The following CUL1 variants were observed in gnomAD, a reference collection of about 807,000 sequenced individuals.
The protein encoded by CUL1 is cullin-1.
CUL1 carries 24 observed loss-of-function variants against 118.0 expected under a neutral mutation model. The ratio of observed to expected loss-of-function variants is 0.20; its 90% CI spans 0.15 to 0.29. The LOEUF (loss-of-function observed/expected upper bound fraction) is 0.29. Among genes scored for constraint, CUL1 ranks in the 10% least tolerant of loss-of-function variants. The pLI is 1.00. For synonymous variants in CUL1, 332 were observed against 340.4 expected (o/e 0.98, Z 0.27); for missense variants, 361 against 933.8 (o/e 0.39, Z 7.99).
rs115027140 is a variant in CUL1, at chr7:148,759,233, T to C, written c.484-71T>C. 1.0e-3 allele frequency: 1,461 copies of C among 1,399,432 alleles called. 9 individuals carry two copies. In the African/African-American group the frequency reaches 0.016, roughly 16 times the overall value. 86.7% of individuals were successfully genotyped at this position (1,399,432 alleles called of 1,614,324 possible). A position where few individuals can be genotyped will look rare whatever the true frequency, so the allele number is the denominator to read the frequency against. On this transcript the variant is annotated intron_variant, in intron 4 of 21. Transcript: ENST00000325222. ...TTGATAAAGTAATTTGAGATTTAGG[T>C]TATTTCCTATGACTTCAATCTTGGA... is the stretch of plus-strand genomic sequence containing the variant.
chr7:148,755,443 A>G (rs1017984297), intron 3 of CUL1, among the ~76,000 whole-genome samples: 2 of 152,256 alleles, frequency 1.3e-5, no homozygotes, highest in African/African-American at 4.8e-5. Context: ...TTATTTTTGC[A>G]AGCTAATTGA....
intron 17 of CUL1, among the ~76,000 whole-genome samples, chr7:148,796,150 C>G (rs1019964087): frequency 6.6e-6 from 1 of 152,154 alleles, no homozygotes; most frequent in Non-Finnish European, 1.5e-5. Context: ...CTTTATCAGA[C>G]TAAAGAGGTT....
At chr7:148,796,660 G>A (rs186115384) in intron 17 of CUL1, among the ~76,000 whole-genome samples, 2 of 152,290 alleles carry the variant, frequency 1.3e-5, no homozygotes, top group African/African-American at 2.4e-5. Context: ...GGTGTGGACT[G>A]TCAGGTCTTT....
chr7:148,699,940 C>T (rs898866357), intron 1 of CUL1, among the ~76,000 whole-genome samples: 1 of 152,154 alleles, frequency 6.6e-6, no homozygotes, highest in Admixed American at 6.5e-5. Context: ...CTGAAAGACC[C>T]CCGTTTCTGC....
intron 1 of CUL1, among the ~76,000 whole-genome samples, chr7:148,728,330 G>A (rs914311061): frequency 6.6e-6 from 1 of 152,080 alleles, no homozygotes; most frequent in Non-Finnish European, 1.5e-5. Context: ...AGCATCTAGA[G>A]AGGTATGAGA....
chr7:148,718,735 G>A (rs960618562), intron 1 of CUL1, among the ~76,000 whole-genome samples: 1 of 152,014 alleles, frequency 6.6e-6, no homozygotes, highest in Non-Finnish European at 1.5e-5. Flanking sequence ...TTGTTTTTGG[G>A]GGGTAGATAT....
At chr7:148,744,437 T>A (rs1048471988) in intron 2 of CUL1, among the ~76,000 whole-genome samples, 25 of 139,158 alleles carry the variant, frequency 1.8e-4, no homozygotes, top group Non-Finnish European at 2.2e-4. Context: ...TGTGTGTGTG[T>A]GAAAGAGAAG....
chr7:148,722,519 C>T (rs1157485287), intron 1 of CUL1, among the ~76,000 whole-genome samples: 1 of 152,214 alleles, frequency 6.6e-6, no homozygotes, highest in African/African-American at 2.4e-5. Context: ...TGCAGGCCTC[C>T]AGGCTGCAGG....
At chr7:148,738,963 G>A (rs1168178293) in intron 2 of CUL1, among the ~76,000 whole-genome samples, 1 of 152,218 alleles carries the variant, frequency 6.6e-6, no homozygotes, top group Non-Finnish European at 1.5e-5. Context: ...ATTGTGGGGG[G>A]CGGTGGGTTC....
intron 1 of CUL1, among the ~76,000 whole-genome samples, chr7:148,709,886 C>T (rs1797997508): frequency 6.6e-6 from 1 of 151,988 alleles, no homozygotes; most frequent in Admixed American, 6.6e-5. Context: ...AGTTCGAGAC[C>T]AGCCTGGGCA....
chr7:148,716,825 A>G (rs1289824086), intron 1 of CUL1, among the ~76,000 whole-genome samples: 1 of 151,930 alleles, frequency 6.6e-6, no homozygotes, highest in African/African-American at 2.4e-5. Flanking sequence ...TCCCCTACTG[A>G]TAGATTTGGG....
chr7:148,741,337 A>C (rs1393854296), intron 2 of CUL1, among the ~76,000 whole-genome samples: 1 of 152,328 alleles, frequency 6.6e-6, no homozygotes, highest in South Asian at 2.1e-4. Flanking sequence ...TTATTTTCCA[A>C]AGTGGCTGCA....
At chr7:148,735,695 T>G (rs1156506408) in intron 2 of CUL1, among the ~76,000 whole-genome samples, 1 of 152,212 alleles carries the variant, frequency 6.6e-6, no homozygotes, top group Non-Finnish European at 1.5e-5. Flanking sequence ...TGAGCATGGC[T>G]TACATCAAAT....
chr7:148,772,106 A>C (rs1800231802), intron 9 of CUL1, among the ~76,000 whole-genome samples: 1 of 152,202 alleles, frequency 6.6e-6, no homozygotes, highest in South Asian at 2.1e-4. Flanking sequence ...AACTCATCGT[A>C]CATTGAAAAT....
chr7:148,734,793 T>C (rs944705752), intron 2 of CUL1, among the ~76,000 whole-genome samples: 1 of 152,190 alleles, frequency 6.6e-6, no homozygotes, highest in Non-Finnish European at 1.5e-5. Context: ...AGGTCACCTG[T>C]TGGAGGTTTC....
chr7:148,757,033 A>G lies in CUL1; in HGVS notation c.366A>G (p.Gln122=), dbSNP rs1449700616. 2 of 1,610,728 alleles carry G rather than the reference A, an allele frequency of 1.2e-6. No individual in the cohort carries two copies. Among genetic ancestry groups the G allele is most frequent in the Non-Finnish European group, 1.7e-6 (2 of 1,178,754 alleles). ...GTGTACTGAAATTCTACACTCAACA[A>G]TGGGAAGATTATCGATTTTCAAGCA... ...DESVLKFYTQ[Q]WEDYRFSSKV... is the part of the protein sequence containing the mutation. Residue 122 remains glutamine (Q), a synonymous_variant, in exon 4 of 22, where the codon CAA becomes CAG. Transcript: ENST00000325222.
chr7:148,723,731 C>T (rs535419798), intron 1 of CUL1, among the ~76,000 whole-genome samples: 5 of 148,868 alleles, frequency 3.4e-5, no homozygotes, highest in Admixed American at 2.0e-4. Flanking sequence ...AAAAAGTTGC[C>T]GAACCAGTGT....
At chr7:148,779,905 T>C (rs1295555685) in intron 9 of CUL1, among the ~76,000 whole-genome samples, 1 of 152,098 alleles carries the variant, frequency 6.6e-6, no homozygotes, top group Non-Finnish European at 1.5e-5. Flanking sequence ...CCAGCGAATA[T>C]AAGGCAGGCA....
chr7:148,725,207 ACACACGCGCGCGCT>A (rs1435048676), intron 1 of CUL1, among the ~76,000 whole-genome samples: 3 of 107,642 alleles, frequency 2.8e-5, no homozygotes, highest in South Asian at 3.4e-4. Context: ...GTACACACAC[ACACACGCGCGCGCT>A]CACACACACA....
Sources: allele counts gnomAD v4.1 joint callset (sites outside exome capture counted in the v4.1 genomes callset), GRCh38; gene constraint gnomAD v4.1.1; transcripts MANE v1.5; gene names NCBI Gene and HGNC (gene_info 2026-07-23, HGNC 2026-07-21).